HMGB1: variants seen among roughly 807,000 people sequenced by gnomAD.
HMGB1 encodes the protein high mobility group box 1.
For synonymous variants in HMGB1, 81 were observed against 84.0 expected (o/e 0.96, Z 0.19); for missense variants, 79 against 253.5 (o/e 0.31, Z 4.67).
At chr13:30,521,890 G>C (rs1455517318) in intron 1 of HMGB1, among the ~76,000 whole-genome samples, 1 of 152,132 alleles carries the variant, frequency 6.6e-6, no homozygotes, top group Admixed American at 6.6e-5. Context: ...GTTATTATCT[G>C]TTTTTGTGAT....
At chr13:30,466,082 A>C, upstream of HMGB1, 2 of 362,160 alleles carry the variant, frequency 5.5e-6, no homozygotes, top group Non-Finnish European at 7.7e-6. Context: ...ACAGCGCGCA[A>C]ATCTGAATGT....
rs938497890 is a variant in HMGB1, at chr13:30,458,247, A to C, written c.*3110T>G. On this transcript the variant is annotated 3_prime_UTR_variant, in exon 5 of 5. Transcript: ENST00000341423. ...AGGCGTATTGTACCAAGCAGACCTAAATGTGAACTTTCATCAAGGACTATG... is the reference window on the plus strand; with the variant it reads ...AGGCGTATTGTACCAAGCAGACCTACATGTGAACTTTCATCAAGGACTATG... 6.6e-6 allele frequency: 1 copy of C among 152,098 alleles called. No homozygotes were observed. The highest frequency in any genetic ancestry group is 1.5e-5 in the Non-Finnish European group (1 of 68,040). The allele number at this position is 152,098 out of a possible 1,614,324, so 9.4% of individuals were successfully genotyped here.
chr13:30,514,044 G>A (rs1888049225), intron 1 of HMGB1, among the ~76,000 whole-genome samples: 1 of 151,766 alleles, frequency 6.6e-6, no homozygotes, highest in African/African-American at 2.4e-5. Context: ...CACTGCATCT[G>A]GCCTTCCCAA....
chr13:30,540,582 C>G (rs1593299559), intron 1 of HMGB1: 1 of 132,636 alleles, frequency 7.5e-6, no homozygotes, highest in Non-Finnish European at 1.6e-5. Flanking sequence ...ACACTTTAGT[C>G]TTTTTTTTTT....
intron 1 of HMGB1, among the ~76,000 whole-genome samples, chr13:30,498,323 A>G (rs1887658275): frequency 6.6e-6 from 1 of 152,150 alleles, no homozygotes. Context: ...CCATCTCAAA[A>G]TATATCCTCC....
At chr13:30,544,395 A>C (rs7337652) in intron 1 of HMGB1, among the ~76,000 whole-genome samples, 49,003 of 152,148 alleles carry the variant, frequency 0.32, 11,212 homozygotes, top group African/African-American at 0.65. Flanking sequence ...ACCAGAAAGA[A>C]CAAGGCAAGA....
intron 1 of HMGB1, among the ~76,000 whole-genome samples, chr13:30,494,318 T>A (rs1428732466): frequency 6.6e-6 from 1 of 152,226 alleles, no homozygotes; most frequent in Non-Finnish European, 1.5e-5. Context: ...TTAGAAGTGT[T>A]TTTTACTGTG....
chr13:30,563,197 G>T (rs1007961957), intron 1 of HMGB1, among the ~76,000 whole-genome samples: 2 of 152,210 alleles, frequency 1.3e-5, no homozygotes, highest in Non-Finnish European at 2.9e-5. Context: ...ATTTATAGAA[G>T]CATCTAGATG....
intron 1 of HMGB1, among the ~76,000 whole-genome samples, chr13:30,593,655 A>C (rs1383541237): frequency 6.6e-6 from 1 of 152,214 alleles, no homozygotes; most frequent in Non-Finnish European, 1.5e-5. Flanking sequence ...AATTATTTCA[A>C]AGTTTCTGTG....
chr13:30,543,978 A>T (rs1383587983), intron 1 of HMGB1, among the ~76,000 whole-genome samples: 3 of 152,212 alleles, frequency 2.0e-5, no homozygotes, highest in Admixed American at 6.5e-5. Context: ...TGGTATTGAG[A>T]TCAAACCTCC....
rs972068259 is a variant in HMGB1, at chr13:30,559,106, T to A, written c.-15+57565A>T. ...TAAAAATATCTTTTGAGGACTTCTC[T>A]AGAAATAGGTGAGTCTGTTTCTTAC... On this transcript the variant is annotated intron_variant, in intron 1 of 4. Transcript: ENST00000405805. The surrounding 1 kb of genome is among the most constrained non-coding windows in gnomAD (Gnocchi z 6.6). Among the ~76,000 whole-genome samples the A allele has an allele frequency of 6.6e-6, 1 of 152,126 alleles. No individual in the cohort carries two copies. Among genetic ancestry groups the A allele is most frequent in the African/African-American group, 2.4e-5 (1 of 41,412 alleles).
At position 30,461,345 on chromosome 13, in the gene HMGB1, G is replaced by A. The variant is rs199581544; in HGVS notation, c.*12C>T. The A allele has an allele frequency of 1.5e-4, 238 of 1,543,476 alleles. 1 individual carries two copies. Among genetic ancestry groups the A allele is most frequent in the Non-Finnish European group, 1.8e-4 (207 of 1,152,468 alleles). On this transcript the variant is annotated 3_prime_UTR_variant, in exon 5 of 5. Transcript: ENST00000341423. ...TTATAGACAAGAAAAAAAAAACTGC[G>A]CTAGAACCAACTTATTCATCATCAT...
chr13:30,471,203 C>T (rs7996887), intron 1 of HMGB1, among the ~76,000 whole-genome samples: 72,173 of 151,690 alleles, frequency 0.48, 17,272 homozygotes, highest in Admixed American at 0.51. Context: ...AACTCCTGAC[C>T]TCGTGATCCA....
intron 1 of HMGB1, among the ~76,000 whole-genome samples, chr13:30,528,872 CA>C (rs1338600837): frequency 6.6e-6 from 1 of 151,444 alleles, no homozygotes; most frequent in Admixed American, 6.6e-5. Flanking sequence ...ACTAAAAACA[CA>C]AAAAAATTAG....
chr13:30,617,405 C>G (rs1385169779), exon 1 of HMGB1: 3 of 152,038 alleles, frequency 2.0e-5, no homozygotes, highest in African/African-American at 4.8e-5. Context: ...CTACGGATGC[C>G]CGGCGCGGCC....
At chr13:30,466,210 ACACCGGAGCGGC>A (rs1886777993), upstream of HMGB1, among the ~76,000 whole-genome samples, 1 of 152,058 alleles carries the variant, frequency 6.6e-6, no homozygotes, top group African/African-American at 2.4e-5. Flanking sequence ...AGCCAGCCCC[ACACCGGAGCGGC>A]CGCCGGAGCG....
intron 4 of HMGB1, 131 bp from the exon 5 acceptor site, chr13:30,461,664 A>T: frequency 1.3e-6 from 2 of 1,591,092 alleles, no homozygotes; most frequent in Non-Finnish European, 1.7e-6. Flanking sequence ...CTGTAGATCC[A>T]CAGCAACTCC....
At chr13:30,555,862 C>T (rs555341600) in intron 1 of HMGB1, among the ~76,000 whole-genome samples, 50 of 152,140 alleles carry the variant, frequency 3.3e-4, no homozygotes, top group African/African-American at 1.1e-3. Flanking sequence ...TAGTCTCCAT[C>T]GTCAAAAAGG....
chr13:30,614,940 G>A (rs1487391021), intron 1 of HMGB1, among the ~76,000 whole-genome samples: 1 of 148,320 alleles, frequency 6.7e-6, no homozygotes, highest in African/African-American at 2.5e-5. Flanking sequence ...TTGAACTCCT[G>A]ACCTCGTGAT....
Sources: gnomAD v4.1 joint callset for allele counts (sites outside exome capture counted in the v4.1 genomes callset) on GRCh38, gnomAD v4.1.1 for gene constraint, Gnocchi (gnomAD v3.1) non-coding constraint, MANE v1.5 for transcripts, NCBI Gene and HGNC (gene_info 2026-07-23, HGNC 2026-07-21) for gene names.